The following KCNH7 variants were observed in gnomAD, a reference collection of about 807,000 sequenced individuals.
The protein encoded by KCNH7 is potassium voltage-gated channel subfamily H member 7, also known as voltage-gated inwardly rectifying potassium channel KCNH7.
KCNH7 carries 49 observed loss-of-function variants against 120.8 expected under a neutral mutation model. That is an observed-to-expected ratio of 0.41 (90% CI 0.32 to 0.51). KCNH7 has a LOEUF of 0.51. Among genes scored for constraint, KCNH7 ranks in the 20% least tolerant of loss-of-function variants. The pLI is 0.38. For missense variants in KCNH7, 1,097 were observed against 1,446.6 expected (o/e 0.76, Z 3.92); for synonymous variants, 547 against 516.1 (o/e 1.06, Z -0.81).
intron 8 of KCNH7, among the ~76,000 whole-genome samples, chr2:162,434,186 G>A (rs534147756): frequency 7.2e-5 from 11 of 152,058 alleles, no homozygotes; most frequent in South Asian, 6.2e-4. Flanking sequence ...CATTACGTAC[G>A]CATGGACATA....
intron 2 of KCNH7, among the ~76,000 whole-genome samples, chr2:162,766,034 G>A (rs1365552226): frequency 6.7e-6 from 1 of 148,212 alleles, no homozygotes; most frequent in Non-Finnish European, 1.5e-5. Context: ...TGGGATTGCA[G>A]AACTTTTTTT....
Position 162,418,435 on chromosome 2 carries a change from G to C in KCNH7, c.2154+4901C>G, listed in dbSNP as rs184590403. The stretch of plus-strand genomic sequence containing the variant: ...AAGTAAGGGAGATGAAAGCTATACA[G>C]TGAAGGCAAGCCACGCTACTTTGCA... On this transcript the variant is annotated intron_variant, in intron 9 of 15. Transcript: ENST00000332142. Among the ~76,000 whole-genome samples, 169 of 152,282 alleles carry C rather than the reference G, an allele frequency of 1.1e-3. 1 individual carries two copies. The highest frequency in any genetic ancestry group is 3.9e-3 in the African/African-American group (164 of 41,554).
chr2:162,450,443 C>T (rs1026680894), intron 6 of KCNH7, among the ~76,000 whole-genome samples: 2 of 151,854 alleles, frequency 1.3e-5, no homozygotes, highest in Admixed American at 6.6e-5. Context: ...TTTATGTGAC[C>T]GTTTAATTGT....
At chr2:162,714,633 G>A (rs887802740) in intron 2 of KCNH7, among the ~76,000 whole-genome samples, 1 of 152,162 alleles carries the variant, frequency 6.6e-6, no homozygotes, top group Non-Finnish European at 1.5e-5. Flanking sequence ...TAAAGGACCA[G>A]ATAGTAAATA....
chr2:162,641,042 G>A (rs1684138256), intron 2 of KCNH7, among the ~76,000 whole-genome samples: 1 of 152,058 alleles, frequency 6.6e-6, no homozygotes, highest in African/African-American at 2.4e-5. Context: ...ATGCTGGTGG[G>A]GGTTAGAAAA....
intron 2 of KCNH7, among the ~76,000 whole-genome samples, chr2:162,694,662 T>A (rs532713776): frequency 1.3e-5 from 2 of 152,186 alleles, no homozygotes; most frequent in South Asian, 4.1e-4. Context: ...GCAAAACTAC[T>A]AAGAGGAGGT....
chr2:162,838,417 C>A (rs1685737057), intron 1 of KCNH7, 26 bp downstream of exon 1: 6 of 1,593,304 alleles, frequency 3.8e-6, no homozygotes, highest in Non-Finnish European at 5.2e-6. Context: ...AAAGCGAGGG[C>A]GAGAGAAGAG....
intron 8 of KCNH7, among the ~76,000 whole-genome samples, chr2:162,430,855 T>C (rs1037257922): frequency 5.9e-5 from 9 of 151,804 alleles, no homozygotes; most frequent in Non-Finnish European, 1.0e-4. Context: ...TACGTGTTTT[T>C]AAAAATTAAA....
intron 2 of KCNH7, among the ~76,000 whole-genome samples, chr2:162,805,728 A>ATAGATAT (rs1684515267): frequency 6.6e-6 from 1 of 152,182 alleles, no homozygotes; most frequent in East Asian, 1.9e-4. Flanking sequence ...CAATTCCACT[A>ATAGATAT]CTGGATATCT....
chr2:162,635,275 C>T (rs547705133), intron 2 of KCNH7, among the ~76,000 whole-genome samples: 138 of 152,106 alleles, frequency 9.1e-4, no homozygotes, highest in African/African-American at 3.2e-3. Context: ...CAGTTTGTCT[C>T]CTTAAGTTTT....
At chr2:162,389,247 A>G (rs930559027) in intron 12 of KCNH7, among the ~76,000 whole-genome samples, 1 of 151,960 alleles carries the variant, frequency 6.6e-6, no homozygotes, top group Admixed American at 6.6e-5. Context: ...CGGAGCTCTG[A>G]GAATTGTTTC....
chr2:162,482,177 T>A (rs922623368), intron 6 of KCNH7, among the ~76,000 whole-genome samples: 6 of 152,318 alleles, frequency 3.9e-5, no homozygotes, highest in African/African-American at 1.4e-4. Flanking sequence ...CCTATTAAAC[T>A]TACCTGGAGA....
chr2:162,574,492 A>G (rs1256597257), intron 2 of KCNH7, among the ~76,000 whole-genome samples: 1 of 152,106 alleles, frequency 6.6e-6, no homozygotes, highest in Non-Finnish European at 1.5e-5. Context: ...CTCTTAATAC[A>G]GTTGCATAAG....
intron 2 of KCNH7, among the ~76,000 whole-genome samples, chr2:162,560,414 G>A (rs568224707): frequency 1.9e-4 from 29 of 152,272 alleles, no homozygotes; most frequent in Admixed American, 3.3e-4. Flanking sequence ...CATTTCAGAG[G>A]AGAGGAAAGT....
intron 2 of KCNH7, among the ~76,000 whole-genome samples, chr2:162,835,654 G>A (rs189733104): frequency 3.0e-4 from 46 of 151,640 alleles, no homozygotes; most frequent in African/African-American, 1.0e-3. Context: ...AGATATTCAG[G>A]AATATATATC....
At chr2:162,611,755 G>A (rs1682974300) in intron 2 of KCNH7, among the ~76,000 whole-genome samples, 1 of 152,146 alleles carries the variant, frequency 6.6e-6, no homozygotes, top group South Asian at 2.1e-4. Context: ...ATACACTGAG[G>A]AAGAGTAGCA....
At chr2:162,800,679 A>C (rs773604056) in intron 2 of KCNH7, among the ~76,000 whole-genome samples, 6 of 151,936 alleles carry the variant, frequency 3.9e-5, no homozygotes, top group Non-Finnish European at 8.8e-5. Context: ...ACATGTTAAA[A>C]CTAATGAAAA....
intron 2 of KCNH7, among the ~76,000 whole-genome samples, chr2:162,617,547 T>TG (rs1281091473): frequency 6.6e-6 from 1 of 152,086 alleles, no homozygotes; most frequent in African/African-American, 2.4e-5. Context: ...GAGATTGGAT[T>TG]GGGTCAGACA....
chr2:162,825,393 A>T lies in KCNH7; in HGVS notation c.307+11144T>A, dbSNP rs1685246458. On this transcript the variant is annotated intron_variant, in intron 2 of 15. Transcript: ENST00000332142. ...TTCAACAAAAATTGAATTGGATCAC[A>T]TTTAGTGATCAGACAATAAGGTACT... 2.0e-5 allele frequency among the ~76,000 whole-genome samples: 3 copies of T among 152,066 alleles called. No homozygotes were observed. In the South Asian group the frequency reaches 6.2e-4, roughly 31 times the overall value.
Sources: allele counts gnomAD v4.1 joint callset (sites outside exome capture counted in the v4.1 genomes callset), GRCh38; gene constraint gnomAD v4.1.1; transcripts MANE v1.5; gene names NCBI Gene and HGNC (gene_info 2026-07-23, HGNC 2026-07-21).